The following SMARCB1 variants were observed in gnomAD, a reference collection of about 807,000 sequenced individuals.
SMARCB1 encodes SWI/SNF-related matrix-associated actin-dependent regulator of chromatin subfamily B member 1.
In SMARCB1, 5 loss-of-function variants were observed where a neutral mutation model predicts 49.0. The observed-to-expected ratio is 0.10, with a 90% CI of 0.05 to 0.21. The LOEUF (loss-of-function observed/expected upper bound fraction) is 0.21, where lower values mean the gene tolerates loss of function less well. SMARCB1 is among the 10% of genes least tolerant of loss of function. SMARCB1 has a pLI of 1.00. For missense variants in SMARCB1, 226 were observed against 509.2 expected (o/e 0.44, Z 5.35); for synonymous variants, 201 against 200.1 (o/e 1.00, Z -0.04).
Position 23,834,201 on chromosome 22 carries a change from T to C in SMARCB1, c.*21T>C, listed in dbSNP as rs1481293622. 1 of 1,577,580 alleles carries C rather than the reference T, an allele frequency of 6.3e-7. No homozygotes were observed. The highest frequency in any genetic ancestry group is 1.4e-5 in the African/African-American group (1 of 73,916). ...GGTAACCAGCCCATCAGCACACGGC[T>C]CCCACGGAGCATCTCAGAAGATTGG... On this transcript the variant is annotated 3_prime_UTR_variant, in exon 9 of 9. Transcript: ENST00000644036.
At chr22:23,793,295 A>G (rs900108927) in intron 2 of SMARCB1, 4 of 537,678 alleles carry the variant, frequency 7.4e-6, no homozygotes, top group South Asian at 5.6e-5. Context: ...TGCCCTGAGC[A>G]CTTCCCTCTG....
Position 23,834,778 on chromosome 22 carries a change from G to T in SMARCB1, c.*598G>T. 1 of 1,565,486 alleles carries T rather than the reference G, an allele frequency of 6.4e-7. No individual in the cohort carries two copies. The highest frequency in any genetic ancestry group is 8.7e-7 in the Non-Finnish European group (1 of 1,154,176). On this transcript the variant is annotated 3_prime_UTR_variant, in exon 9 of 9. Transcript: ENST00000644036. Reference sequence around the variant, plus strand: ...GTAGCTGTGAGGCTCAGGGCAAGAGGCTCTCTGCCTTTCAGGAACAGCCCT... The same window carrying T: ...GTAGCTGTGAGGCTCAGGGCAAGAGTCTCTCTGCCTTTCAGGAACAGCCCT...
At chr22:23,809,083 T>G (rs1268561973) in intron 5 of SMARCB1, among the ~76,000 whole-genome samples, 2 of 151,454 alleles carry the variant, frequency 1.3e-5, no homozygotes, top group East Asian at 3.9e-4. Context: ...TCTGCCCGCC[T>G]TGGCCTCCCA....
rs1448292647 is a variant in SMARCB1 at position 23,837,473 on chromosome 22, A to AT, written c.*3293_*3294insT. On this transcript the variant is annotated 3_prime_UTR_variant, in exon 9 of 9. Coordinates refer to ENST00000644036, the MANE Select transcript of SMARCB1 (RefSeq NM_003073.5). ...ATCAGTAGATCCGTCCTGACGATGC[A>AT]AATTATGTGGGCCGGCTGGCTTGAG... 25 of 691,366 alleles carry AT rather than the reference A, an allele frequency of 3.6e-5. No homozygotes were observed. In the African/African-American group the frequency reaches 3.8e-4, roughly 10 times the overall value. 42.8% of individuals were successfully genotyped at this position (691,366 alleles called of 1,614,324 possible).
chr22:23,833,171 C>T (rs2030751134), intron 7 of SMARCB1, among the ~76,000 whole-genome samples: 1 of 152,160 alleles, frequency 6.6e-6, no homozygotes, highest in African/African-American at 2.4e-5. Context: ...GGCCCTGGCT[C>T]TGGACACTGA....
intron 6 of SMARCB1, among the ~76,000 whole-genome samples, chr22:23,821,922 C>T (rs1214200192): frequency 1.3e-5 from 2 of 151,876 alleles, no homozygotes; most frequent in Non-Finnish European, 2.9e-5. Context: ...AGGCTGGTCT[C>T]GAACTCCTGG....
At chr22:23,819,814 A>C (rs2029982298) in intron 6 of SMARCB1, among the ~76,000 whole-genome samples, 1 of 147,896 alleles carries the variant, frequency 6.8e-6, no homozygotes, top group African/African-American at 2.5e-5. Context: ...CCTCACTCAC[A>C]CTTGTTAGTT....
chr22:23,828,267 G>C (rs34969223), intron 7 of SMARCB1, among the ~76,000 whole-genome samples: 15,962 of 151,928 alleles, frequency 0.11, 870 homozygotes, highest in South Asian at 0.17. Flanking sequence ...TAGCTAGGAT[G>C]GTCTGGATCT....
chr22:23,793,379 A>G (rs1377979342), intron 2 of SMARCB1, 180 bp from the exon 3 acceptor site: 2 of 744,040 alleles, frequency 2.7e-6, no homozygotes, highest in South Asian at 1.4e-5. Context: ...AGGACTTGTA[A>G]GTAAAGCACT....
chr22:23,799,506 CTTTTGGTTTTTT>C (rs1928993807), intron 3 of SMARCB1, among the ~76,000 whole-genome samples: 1 of 98,162 alleles, frequency 1.0e-5, no homozygotes, highest in Non-Finnish European at 2.1e-5. Context: ...TCGAACTCAC[CTTTTGGTTTTTT>C]TTTTTTTTTT....
chr22:23,830,753 C>CT (rs1193378183), intron 7 of SMARCB1, among the ~76,000 whole-genome samples: 1 of 144,594 alleles, frequency 6.9e-6, no homozygotes, highest in Non-Finnish European at 1.5e-5. Context: ...CCTCCGCCTC[C>CT]TGAGTTCAAG....
intron 5 of SMARCB1, among the ~76,000 whole-genome samples, chr22:23,807,682 A>G (rs1400850107): frequency 6.6e-6 from 1 of 152,196 alleles, no homozygotes; most frequent in East Asian, 1.9e-4. Context: ...GACACATCAT[A>G]ATTAAACTTC....
chr22:23,801,182 T>C (rs781434712), intron 4 of SMARCB1, 101 bp downstream of exon 4: 4 of 1,548,564 alleles, frequency 2.6e-6, no homozygotes, highest in African/African-American at 2.7e-5. Context: ...TGCTTTGACC[T>C]TGTGCTCCCC....
chr22:23,787,317 G>C (rs1047075720), intron 1 of SMARCB1, 55 bp downstream of exon 1: 1 of 1,158,998 alleles, frequency 8.6e-7, no homozygotes, highest in Non-Finnish European at 1.3e-6. Flanking sequence ...GGAGCCCCGG[G>C]GCGGGCCCAT....
At chr22:23,814,475 G>A (rs1930060048) in intron 5 of SMARCB1, among the ~76,000 whole-genome samples, 1 of 152,106 alleles carries the variant, frequency 6.6e-6, no homozygotes, top group Non-Finnish European at 1.5e-5. Flanking sequence ...AGACCAGCCT[G>A]ACCAAGATGG....
intron 5 of SMARCB1, among the ~76,000 whole-genome samples, chr22:23,813,962 T>C (rs1377491365): frequency 6.6e-6 from 1 of 152,092 alleles, no homozygotes; most frequent in African/African-American, 2.4e-5. Context: ...CCCGAGTAGG[T>C]GGGATTACAG....
chr22:23,819,865 T>C (rs965242196), intron 6 of SMARCB1, among the ~76,000 whole-genome samples: 1 of 152,006 alleles, frequency 6.6e-6, no homozygotes, highest in Non-Finnish European at 1.5e-5. Context: ...CTCGCTCTGT[T>C]ACCCAGGCTG....
rs35305666 is a variant in SMARCB1 at position 23,834,772 on chromosome 22, CA to C, written c.*594del. 0.92 allele frequency: 1,436,249 copies of C among 1,567,498 alleles called. 659,901 individuals carry two copies. Among genetic ancestry groups the C allele is most frequent in the African/African-American group, 0.95 (70,594 of 74,190 alleles). On this transcript the variant is annotated 3_prime_UTR_variant, in exon 9 of 9. Transcript: ENST00000644036. ...AGAAGAGTAGCTGTGAGGCTCAGGG[CA>C]AGAGGCTCTCTGCCTTTCAGGAACA...
intron 5 of SMARCB1, among the ~76,000 whole-genome samples, chr22:23,806,608 T>C (rs1286674324): frequency 6.6e-6 from 1 of 152,022 alleles, no homozygotes; most frequent in Non-Finnish European, 1.5e-5. Context: ...ACGAATGAAG[T>C]GTATGTTCAG....
Sources: allele counts gnomAD v4.1 joint callset (sites outside exome capture counted in the v4.1 genomes callset), GRCh38; gene constraint gnomAD v4.1.1; transcripts MANE v1.5; gene names NCBI Gene and HGNC (gene_info 2026-07-23, HGNC 2026-07-21).